TSHZ3: variants seen among roughly 807,000 people sequenced by gnomAD.
TSHZ3 encodes teashirt zinc finger homeobox 3.
TSHZ3 carries 10 observed loss-of-function variants against 64.5 expected under a neutral mutation model. The ratio of observed to expected loss-of-function variants is 0.16; its 90% CI spans 0.10 to 0.26. The LOEUF is 0.26. TSHZ3 is among the 10% of genes least tolerant of loss of function. The probability of loss-of-function intolerance (pLI) is 1.00; values close to 1 mark genes in which losing one functional copy is unlikely to be tolerated. For missense variants in TSHZ3, 1,242 were observed against 1,421.7 expected (o/e 0.87, Z 2.03); for synonymous variants, 608 against 593.1 (o/e 1.03, Z -0.36).
At chr19:31,251,193 T>A (rs1371040623) in intron 1 of TSHZ3, among the ~76,000 whole-genome samples, 1 of 152,116 alleles carries the variant, frequency 6.6e-6, no homozygotes, top group African/African-American at 2.4e-5. Flanking sequence ...AGCCCCATGC[T>A]CTGCAGGGCC....
intron 1 of TSHZ3, among the ~76,000 whole-genome samples, chr19:31,326,456 C>A (rs1916932520): frequency 6.6e-6 from 1 of 152,262 alleles, no homozygotes; most frequent in Non-Finnish European, 1.5e-5. Context: ...TTCTGTAGAG[C>A]AGCCCTGCAT....
downstream of TSHZ3, among the ~76,000 whole-genome samples, chr19:31,272,327 A>G (rs908543268): frequency 2.0e-5 from 3 of 152,096 alleles, no homozygotes; most frequent in Non-Finnish European, 1.5e-5. Context: ...ACCTAGCTGG[A>G]ATGGTCTGAA....
At chr19:31,333,242 A>T (rs1233598197) in intron 1 of TSHZ3, among the ~76,000 whole-genome samples, 1 of 152,152 alleles carries the variant, frequency 6.6e-6, no homozygotes, top group East Asian at 1.9e-4. Context: ...TCCCACTCCC[A>T]CCAAGGGAGG....
At chr19:31,337,064 C>A (rs1917271574) in intron 1 of TSHZ3, among the ~76,000 whole-genome samples, 2 of 137,768 alleles carry the variant, frequency 1.5e-5, no homozygotes, top group African/African-American at 5.4e-5. Context: ...TTGCAAGGGT[C>A]ATATCTTTTT....
At chr19:31,321,410 G>C (rs1916767422) in intron 1 of TSHZ3, among the ~76,000 whole-genome samples, 3 of 152,226 alleles carry the variant, frequency 2.0e-5, no homozygotes, top group Admixed American at 6.5e-5. Flanking sequence ...CACCACTGAA[G>C]CACTCCAGAG....
intron 1 of TSHZ3, among the ~76,000 whole-genome samples, chr19:31,243,992 A>C (rs570051707): frequency 6.6e-6 from 1 of 152,186 alleles, no homozygotes; most frequent in Admixed American, 6.6e-5. Context: ...CATGTGCATA[A>C]CTTTTGGCCT....
intron 5 of TSHZ3, among the ~76,000 whole-genome samples, chr19:31,202,262 A>G (rs1477346015): frequency 2.0e-5 from 3 of 152,194 alleles, no homozygotes; most frequent in Non-Finnish European, 4.4e-5. Flanking sequence ...AAAAATAACA[A>G]TTTAGAAATC....
intron 1 of TSHZ3, among the ~76,000 whole-genome samples, chr19:31,260,086 A>T (rs1371011993): frequency 6.6e-6 from 1 of 152,158 alleles, no homozygotes; most frequent in Non-Finnish European, 1.5e-5. Flanking sequence ...GAGGGCAGAC[A>T]TGGGCCTCCT....
chr19:31,284,833 C>T (rs1660503812), intron 1 of TSHZ3, among the ~76,000 whole-genome samples: 1 of 152,174 alleles, frequency 6.6e-6, no homozygotes, highest in South Asian at 2.1e-4. Flanking sequence ...TACCGTCCGG[C>T]CCAGAGTGGC....
At chr19:31,201,083 T>C (rs1486911886) in intron 5 of TSHZ3, among the ~76,000 whole-genome samples, 1 of 152,138 alleles carries the variant, frequency 6.6e-6, no homozygotes, top group African/African-American at 2.4e-5. Flanking sequence ...TCGTGATAGG[T>C]GCCTATTGAA....
At chr19:31,203,570 A>C (rs11880308) in intron 5 of TSHZ3, among the ~76,000 whole-genome samples, 12,600 of 152,086 alleles carry the variant, frequency 0.083, 1,687 homozygotes, top group African/African-American at 0.28. Context: ...ATCTGGTATG[A>C]GAATGGGTCC....
chr19:31,187,095 C>T (rs1422079018), intron 5 of TSHZ3, among the ~76,000 whole-genome samples: 1 of 152,054 alleles, frequency 6.6e-6, no homozygotes, highest in Non-Finnish European at 1.5e-5. Context: ...TTCATATAAC[C>T]ACCATTACAA....
rs1255691171 is a variant in TSHZ3, at chr19:31,349,308, G to A, written c.-89C>T. The A allele has an allele frequency of 3.7e-6, 5 of 1,342,006 alleles. No homozygotes were observed. The highest frequency in any genetic ancestry group is 1.6e-5 in the African/African-American group (1 of 64,488). The allele number at this position is 1,342,006 out of a possible 1,614,324, so 83.1% of individuals were successfully genotyped here. A position where few individuals can be genotyped will look rare whatever the true frequency, so the allele number is the denominator to read the frequency against. On this transcript the variant is annotated 5_prime_UTR_variant, in exon 1 of 2. Coordinates refer to ENST00000240587, the MANE Select transcript of TSHZ3 (RefSeq NM_020856.4). ...GAGGGGGCGGCGGGCCCGCGGGGGGGCGAGGCGGGCCTGCTCTCAGCCTCC... is the reference window on the plus strand; with the variant it reads ...GAGGGGGCGGCGGGCCCGCGGGGGGACGAGGCGGGCCTGCTCTCAGCCTCC...
At chr19:31,209,698 C>A (rs1335692104) in intron 4 of TSHZ3, among the ~76,000 whole-genome samples, 1 of 152,178 alleles carries the variant, frequency 6.6e-6, no homozygotes, top group Non-Finnish European at 1.5e-5. Flanking sequence ...TCATGGGAGA[C>A]AGGCATGGTG....
chr19:31,331,070 G>A (rs775246028), intron 1 of TSHZ3, among the ~76,000 whole-genome samples: 2 of 152,118 alleles, frequency 1.3e-5, no homozygotes, highest in African/African-American at 2.4e-5. Context: ...ATGACTCACC[G>A]AAAGGGATAC....
In TSHZ3 at chr19:31,278,062, A is replaced by C. The variant is rs1402132229; in HGVS notation, c.1731T>G (p.Phe577Leu). The part of the protein sequence containing the change: ...SGKSTPLKPM[F>L]GNSEIVSPTK... ...TCGGGGAGACAATCTCACTGTTGCCAAACATGGGTTTCAGGGGCGTGCTCT... is the reference window on the plus strand; with the variant it reads ...TCGGGGAGACAATCTCACTGTTGCCCAACATGGGTTTCAGGGGCGTGCTCT... Residue 577 changes from phenylalanine (F) to leucine (L), a missense_variant, in exon 2 of 2, where the codon TTT becomes TTG. Coordinates refer to ENST00000240587, the MANE Select transcript of TSHZ3 (RefSeq NM_020856.4). The surrounding 1 kb of genome is among the most constrained non-coding windows in gnomAD (Gnocchi z 4.7). 1 of 1,613,670 alleles carries C rather than the reference A, an allele frequency of 6.2e-7. No individual in the cohort carries two copies. Among genetic ancestry groups the C allele is most frequent in the Non-Finnish European group, 8.5e-7 (1 of 1,179,694 alleles).
At chr19:31,172,562 A>G (rs16965177) in intron 5 of TSHZ3, among the ~76,000 whole-genome samples, 2,996 of 152,356 alleles carry the variant, frequency 0.02, 106 homozygotes, top group African/African-American at 0.068. Context: ...ACACGCCAAC[A>G]GTGAACAAAA....
At chr19:31,164,431 T>C (rs7260532) in intron 5 of TSHZ3, among the ~76,000 whole-genome samples, 125,003 of 152,178 alleles carry the variant, frequency 0.82, 51,817 homozygotes, top group African/African-American at 0.95. Flanking sequence ...ACGTGAAATG[T>C]TAGACACTGT....
At chr19:31,244,436 C>T (rs1189443831) in intron 1 of TSHZ3, among the ~76,000 whole-genome samples, 1 of 152,164 alleles carries the variant, frequency 6.6e-6, no homozygotes, top group Non-Finnish European at 1.5e-5. Flanking sequence ...CCAATTAAAC[C>T]TCTGTCATTA....
Sources: allele counts gnomAD v4.1 joint callset (sites outside exome capture counted in the v4.1 genomes callset), GRCh38; gene constraint gnomAD v4.1.1; non-coding constraint Gnocchi (gnomAD v3.1); transcripts MANE v1.5; gene names NCBI Gene and HGNC (gene_info 2026-07-23, HGNC 2026-07-21).